Variants in MAST4 observed in about 807,000 individuals in gnomAD.
MAST4 encodes the protein microtubule-associated serine/threonine-protein kinase 4.
Under a neutral mutation model 162.7 loss-of-function variants are expected in MAST4, and 89 were observed. The ratio of observed to expected loss-of-function variants is 0.55; its 90% CI spans 0.46 to 0.65. The LOEUF (loss-of-function observed/expected upper bound fraction) is 0.65. MAST4 is among the 30% of genes least tolerant of loss of function. The pLI is 0.00. For missense variants in MAST4, 3,153 were observed against 3,374.0 expected, an observed-to-expected ratio of 0.93 and a Z score of 1.62; for synonymous variants, 1,479 against 1,361.1, an observed-to-expected ratio of 1.09 and a Z score of -1.91.
intron 4 of MAST4, among the ~76,000 whole-genome samples, chr5:66,906,125 G>A (rs776202937): frequency 6.6e-6 from 1 of 152,154 alleles, no homozygotes; most frequent in Non-Finnish European, 1.5e-5. Context: ...CTACACTAGA[G>A]TCACATTGGA....
intron 4 of MAST4, among the ~76,000 whole-genome samples, chr5:66,952,365 C>T (rs1744807226): frequency 6.6e-6 from 1 of 152,140 alleles, no homozygotes; most frequent in Non-Finnish European, 1.5e-5. Context: ...CAGATAGCCT[C>T]ATATTTCCTG....
intron 1 of MAST4, among the ~76,000 whole-genome samples, chr5:66,626,459 T>C (rs1435085907): frequency 6.6e-6 from 1 of 152,224 alleles, no homozygotes; most frequent in African/African-American, 2.4e-5. Context: ...GGTGCAATAC[T>C]CTTCCGCTGC....
At chr5:67,160,432 A>G (rs1283115515) in intron 26 of MAST4, 24 bp from the exon 27 acceptor site, 2 of 1,594,994 alleles carry the variant, frequency 1.3e-6, no homozygotes, top group Non-Finnish European at 1.7e-6. Flanking sequence ...ATTTCCCTTT[A>G]ATGCCACCTC....
intron 4 of MAST4, among the ~76,000 whole-genome samples, chr5:67,000,232 T>C (rs1341587888): frequency 6.6e-6 from 1 of 152,180 alleles, no homozygotes; most frequent in Admixed American, 6.5e-5. Context: ...GCAAAATCCT[T>C]AGAATAGGCC....
chr5:67,099,239 G>A (rs1219366366), intron 7 of MAST4, among the ~76,000 whole-genome samples: 2 of 151,724 alleles, frequency 1.3e-5, no homozygotes, highest in Admixed American at 1.3e-4. Flanking sequence ...TTCTTAGTGA[G>A]AAGTGTTTAA....
chr5:66,704,922 C>T (rs1368087477), intron 1 of MAST4, among the ~76,000 whole-genome samples: 1 of 152,138 alleles, frequency 6.6e-6, no homozygotes, highest in African/African-American at 2.4e-5. Flanking sequence ...GAAGTTTCAG[C>T]TGTTTTAGAG....
intron 3 of MAST4, among the ~76,000 whole-genome samples, chr5:66,850,330 G>A (rs890543533): frequency 6.6e-6 from 1 of 152,190 alleles, no homozygotes. Context: ...TATCAAAATA[G>A]TGAATGTCAA....
At chr5:66,634,479 A>G (rs1287869038) in intron 1 of MAST4, among the ~76,000 whole-genome samples, 1 of 152,078 alleles carries the variant, frequency 6.6e-6, no homozygotes, top group Non-Finnish European at 1.5e-5. Flanking sequence ...CGTATCATGG[A>G]TTTTTGTTGT....
At chr5:67,007,072 TA>T (rs1752123048) in intron 4 of MAST4, among the ~76,000 whole-genome samples, 1 of 152,166 alleles carries the variant, frequency 6.6e-6, no homozygotes, top group South Asian at 2.1e-4. Context: ...AGCATTGCTT[TA>T]TATTTATTAT....
At chr5:66,847,815 C>T (rs940570918) in intron 3 of MAST4, among the ~76,000 whole-genome samples, 5 of 41,776 alleles carry the variant, frequency 1.2e-4, no homozygotes, top group African/African-American at 2.9e-4. Flanking sequence ...AACAAGACTC[C>T]TTCTCAAAAA....
Position 67,094,133 on chromosome 5 carries a change from A to G in MAST4, c.834-1464A>G, listed in dbSNP as rs751940785. On this transcript the variant is annotated intron_variant, in intron 6 of 28. Transcript: ENST00000403625. ...TTCTTTTTTTTAACATACTTGATTC[A>G]TTTGTACTCCAATCATGGTACAGAA... The G allele has an allele frequency of 2.1e-6, 3 of 1,461,124 alleles. No individual in the cohort carries two copies. The South Asian group carries it at 4.1e-5, about 20-fold the overall frequency. The allele number at this position is 1,461,124 out of a possible 1,614,324, so 90.5% of individuals were successfully genotyped here. A position where few individuals can be genotyped will look rare whatever the true frequency, so the allele number is the denominator to read the frequency against.
intron 4 of MAST4, among the ~76,000 whole-genome samples, chr5:67,002,207 A>G (rs1008981564): frequency 6.6e-6 from 1 of 152,202 alleles, no homozygotes; most frequent in African/African-American, 2.4e-5. Context: ...TACATGATAT[A>G]GATACAAATA....
At chr5:66,627,499 A>G (rs1481548584) in intron 1 of MAST4, among the ~76,000 whole-genome samples, 1 of 152,206 alleles carries the variant, frequency 6.6e-6, no homozygotes, top group Non-Finnish European at 1.5e-5. Flanking sequence ...CTGAGAAGTA[A>G]GACTTCACCA....
chr5:66,802,106 G>T (rs1755952090), intron 3 of MAST4, among the ~76,000 whole-genome samples: 1 of 152,152 alleles, frequency 6.6e-6, no homozygotes, highest in East Asian at 1.9e-4. Context: ...ATTATTGTTT[G>T]GTTTATGATC....
At chr5:67,000,765 G>GGT (rs34039365) in intron 4 of MAST4, among the ~76,000 whole-genome samples, 1 of 150,678 alleles carries the variant, frequency 6.6e-6, no homozygotes, top group African/African-American at 2.4e-5. Flanking sequence ...AAGGGGGGGG[G>GGT]TGGCTTGTGT....
At chr5:66,854,959 C>T (rs1024926635) in intron 3 of MAST4, among the ~76,000 whole-genome samples, 1 of 152,126 alleles carries the variant, frequency 6.6e-6, no homozygotes, top group African/African-American at 2.4e-5. Flanking sequence ...GCGAATTCTG[C>T]CTTGCTAGAT....
intron 4 of MAST4, among the ~76,000 whole-genome samples, chr5:66,906,392 C>G (rs144892145): frequency 9.9e-5 from 15 of 152,264 alleles, no homozygotes; most frequent in Non-Finnish European, 1.8e-4. Flanking sequence ...TGATTTTTCT[C>G]CATTCACCCT....
rs191131804 is a variant in MAST4, at chr5:67,009,918, T to C, written c.675-44486T>C. ...TTTGAGAGATATGAAGGATATGACGTTGATAGAAGTTGATGAGCCATTGAC... is the reference window on the plus strand; with the variant it reads ...TTTGAGAGATATGAAGGATATGACGCTGATAGAAGTTGATGAGCCATTGAC... On this transcript the variant is annotated intron_variant, in intron 4 of 28. Coordinates refer to ENST00000403625, the MANE Select transcript of MAST4 (RefSeq NM_001164664.2). 3.9e-5 allele frequency among the ~76,000 whole-genome samples: 6 copies of C among 152,132 alleles called. No individual in the cohort carries two copies. In the East Asian group the frequency reaches 7.7e-4, roughly 20 times the overall value.
intron 3 of MAST4, among the ~76,000 whole-genome samples, chr5:66,869,479 C>T (rs1411285792): frequency 6.6e-6 from 1 of 152,008 alleles, no homozygotes; most frequent in Non-Finnish European, 1.5e-5. Context: ...ATTTTTTTCC[C>T]AGAGAAGGTA....
Sources: gnomAD v4.1 joint callset for allele counts (sites outside exome capture counted in the v4.1 genomes callset) on GRCh38, gnomAD v4.1.1 for gene constraint, MANE v1.5 for transcripts, NCBI Gene and HGNC (gene_info 2026-07-23, HGNC 2026-07-21) for gene names.